CCDC85A: variants seen among roughly 807,000 people sequenced by gnomAD.
The protein encoded by CCDC85A is coiled-coil domain containing 85A, also known as coiled-coil domain-containing protein 85A.
A neutral mutation model predicts 50.2 loss-of-function variants in CCDC85A; 38 were observed. The observed-to-expected ratio is 0.76, with a 90% CI of 0.58 to 0.99. The LOEUF is 0.99. Ranked by LOEUF, CCDC85A falls within the 50% of genes least tolerant of loss-of-function variation. The pLI, the probability that CCDC85A is intolerant of heterozygous loss-of-function variation, is 0.00. For synonymous variants in CCDC85A, 366 were observed against 301.4 expected, an observed-to-expected ratio of 1.21 and a Z score of -2.22; for missense variants, 820 against 742.0, an observed-to-expected ratio of 1.11 and a Z score of -1.22.
chr2:56,348,360 T>A (rs768879430), intron 3 of CCDC85A, among the ~76,000 whole-genome samples: 5 of 152,318 alleles, frequency 3.3e-5, no homozygotes, highest in Non-Finnish European at 7.3e-5. Flanking sequence ...TACCTGCACA[T>A]GGGCTGTGGG....
chr2:56,318,773 TG>T (rs1444688346), intron 2 of CCDC85A, among the ~76,000 whole-genome samples: 1 of 152,118 alleles, frequency 6.6e-6, no homozygotes, highest in African/African-American at 2.4e-5. Flanking sequence ...TGTATTCATT[TG>T]TATTTATCTG....
At chr2:56,338,620 A>G (rs934430455) in intron 2 of CCDC85A, among the ~76,000 whole-genome samples, 1 of 152,156 alleles carries the variant, frequency 6.6e-6, no homozygotes, top group African/African-American at 2.4e-5. Context: ...TATTTTATTT[A>G]AAATATAGCT....
intron 2 of CCDC85A, among the ~76,000 whole-genome samples, chr2:56,282,626 C>T (rs1558621709): frequency 6.6e-6 from 1 of 152,240 alleles, no homozygotes; most frequent in Non-Finnish European, 1.5e-5. Context: ...TCTCCTGCCT[C>T]AGCCTCCCAG....
intron 3 of CCDC85A, among the ~76,000 whole-genome samples, chr2:56,359,843 G>A (rs957566769): frequency 6.6e-6 from 1 of 152,206 alleles, no homozygotes; most frequent in Non-Finnish European, 1.5e-5. Context: ...ATGTGTTCTT[G>A]TAAAGGAAAG....
At chr2:56,351,313 C>T (rs968400460) in intron 3 of CCDC85A, among the ~76,000 whole-genome samples, 1 of 151,346 alleles carries the variant, frequency 6.6e-6, no homozygotes, top group African/African-American at 2.4e-5. Context: ...AATAAACATA[C>T]GTGTGCATGT....
chr2:56,301,178 A>G (rs1232616378), intron 2 of CCDC85A, among the ~76,000 whole-genome samples: 1 of 152,182 alleles, frequency 6.6e-6, no homozygotes, highest in Non-Finnish European at 1.5e-5. Context: ...CTTAATCACA[A>G]TATTTCTGTT....
intron 1 of CCDC85A, chr2:56,185,858 C>G (rs1372113994): frequency 6.6e-6 from 1 of 152,360 alleles, no homozygotes; most frequent in African/African-American, 2.4e-5. Flanking sequence ...GTATTCCTTC[C>G]TCTCATTGTT....
At chr2:56,186,905 A>T (rs891731206) in intron 1 of CCDC85A, among the ~76,000 whole-genome samples, 2 of 152,176 alleles carry the variant, frequency 1.3e-5, no homozygotes, top group Non-Finnish European at 2.9e-5. Context: ...AAGACTTGCC[A>T]GTCTACTTCC....
intron 2 of CCDC85A, among the ~76,000 whole-genome samples, chr2:56,199,473 C>T (rs1013336460): frequency 5.3e-5 from 8 of 152,098 alleles, no homozygotes; most frequent in African/African-American, 1.9e-4. Flanking sequence ...GTAAGTTTTC[C>T]AGGCTGAAAT....
intron 2 of CCDC85A, among the ~76,000 whole-genome samples, chr2:56,216,636 A>G (rs917476534): frequency 1.3e-5 from 2 of 150,630 alleles, no homozygotes; most frequent in Non-Finnish European, 3.0e-5. Context: ...GTTCAGTTGT[A>G]TTCATTTCAT....
intron 3 of CCDC85A, among the ~76,000 whole-genome samples, chr2:56,363,838 A>G (rs761953021): frequency 2.0e-5 from 3 of 152,154 alleles, no homozygotes; most frequent in Admixed American, 6.5e-5. Flanking sequence ...TTGCATCCAT[A>G]CTGGCAATTC....
At chr2:56,210,617 G>A (rs1016521953) in intron 2 of CCDC85A, among the ~76,000 whole-genome samples, 7 of 152,004 alleles carry the variant, frequency 4.6e-5, no homozygotes, top group African/African-American at 1.7e-4. Flanking sequence ...CTTTACTCAC[G>A]TATCATATGC....
intron 2 of CCDC85A, among the ~76,000 whole-genome samples, chr2:56,338,639 A>G (rs1255310072): frequency 6.6e-6 from 1 of 152,126 alleles, no homozygotes; most frequent in Non-Finnish European, 1.5e-5. Flanking sequence ...CTTACATTTT[A>G]AAAAATTTAA....
chr2:56,380,212 G>T (rs1676518960), intron 5 of CCDC85A, among the ~76,000 whole-genome samples: 1 of 152,064 alleles, frequency 6.6e-6, no homozygotes, highest in Admixed American at 6.6e-5. Flanking sequence ...CTATGATAAA[G>T]AAAATACAGC....
chr2:56,284,372 A>G (rs1265987321), intron 2 of CCDC85A, among the ~76,000 whole-genome samples: 1 of 152,060 alleles, frequency 6.6e-6, no homozygotes, highest in Non-Finnish European at 1.5e-5. Context: ...ATAACGTTCA[A>G]ATCTTCTTAT....
At chr2:56,301,573 G>T (rs1438183935) in intron 2 of CCDC85A, among the ~76,000 whole-genome samples, 1 of 152,170 alleles carries the variant, frequency 6.6e-6, no homozygotes, top group Non-Finnish European at 1.5e-5. Flanking sequence ...AGTAAGAAGG[G>T]AAAGGTCATA....
intron 2 of CCDC85A, among the ~76,000 whole-genome samples, chr2:56,275,504 A>G (rs1670893061): frequency 7.8e-6 from 1 of 128,208 alleles, no homozygotes; most frequent in African/African-American, 2.5e-5. Flanking sequence ...TTAACATCAT[A>G]TAGACCACTC....
intron 2 of CCDC85A, among the ~76,000 whole-genome samples, chr2:56,243,896 G>T (rs929339712): frequency 4.6e-5 from 7 of 152,182 alleles, no homozygotes; most frequent in Non-Finnish European, 1.0e-4. Flanking sequence ...GACTCATAGA[G>T]GTATTGCCTT....
intron 1 of CCDC85A, among the ~76,000 whole-genome samples, chr2:56,190,775 C>A (rs1175511943): frequency 6.6e-6 from 1 of 152,142 alleles, no homozygotes; most frequent in East Asian, 1.9e-4. Context: ...CCTGGACCAG[C>A]CCAGGAGCCT....
Sources: allele counts gnomAD v4.1 joint callset (sites outside exome capture counted in the v4.1 genomes callset), GRCh38; gene constraint gnomAD v4.1.1; transcripts MANE v1.5; gene names NCBI Gene and HGNC (gene_info 2026-07-23, HGNC 2026-07-21).